MPRIP: variants seen among roughly 807,000 people sequenced by gnomAD.
MPRIP encodes the protein myosin phosphatase Rho-interacting protein.
A neutral mutation model predicts 234.9 loss-of-function variants in MPRIP; 59 were observed. The observed-to-expected ratio is 0.25, with a 90% CI of 0.20 to 0.31. The LOEUF (loss-of-function observed/expected upper bound fraction) is 0.31. MPRIP is among the 10% of genes least tolerant of loss of function. The pLI is 1.00. For missense variants in MPRIP, 2,436 were observed against 3,071.0 expected (o/e 0.79, Z 4.89); for synonymous variants, 1,144 against 1,263.9 (o/e 0.91, Z 2.01).
Position 17,165,995 on chromosome 17 carries a change from C to G in MPRIP, c.4404C>G (p.Phe1468Leu), listed in dbSNP as rs1201025838. The change falls in exon 16 of 24, where the codon TTC (phenylalanine) becomes TTG (leucine). Residue 1468 changes from phenylalanine to leucine, a missense_variant. Physicochemically the swap from Phe to Leu is conservative, Grantham distance 22. Around this residue, in one of 4 missense-constraint regions of MPRIP, gnomAD observed 1,998 missense variants for 2,520.3 expected, o/e 0.79. Transcript: ENST00000651222. Reference sequence around the variant, plus strand: ...GGCATGTTGGAGAGCTTGGGGACTTCCAGGTCAAGAATAGTCAGGCCCTGA... The same window carrying G: ...GGCATGTTGGAGAGCTTGGGGACTTGCAGGTCAAGAATAGTCAGGCCCTGA... ...VEGHVGELGD[F>L]QVKNSQALMC... 4 of 1,304,180 alleles carry G rather than the reference C, an allele frequency of 3.1e-6. No individual in the cohort carries two copies. Among genetic ancestry groups the G allele is most frequent in the Non-Finnish European group, 4.0e-6 (4 of 988,962 alleles). The allele number at this position is 1,304,180 out of a possible 1,614,324, so 80.8% of individuals were successfully genotyped here. A position where few individuals can be genotyped will look rare whatever the true frequency, so the allele number is the denominator to read the frequency against.
chr17:17,056,291 C>G (rs1470934103), intron 1 of MPRIP, among the ~76,000 whole-genome samples: 2 of 152,232 alleles, frequency 1.3e-5, no homozygotes, highest in East Asian at 3.8e-4. Context: ...GACGTTGCCC[C>G]AGAAATTTGT....
At chr17:17,087,635 C>G (rs979229320) in intron 3 of MPRIP, among the ~76,000 whole-genome samples, 1 of 152,220 alleles carries the variant, frequency 6.6e-6, no homozygotes, top group Non-Finnish European at 1.5e-5. Context: ...TCAGAGCATG[C>G]GGAGCACCTT....
rs1242532020 is a variant in MPRIP at position 17,126,768 on chromosome 17, C to T, written c.334C>T (p.Arg112Cys). Residue 112 changes from arginine to cysteine, a missense_variant, in exon 4 of 24, where the codon CGC becomes TGC. Physicochemically the swap from Arg to Cys is radical, Grantham distance 180. Coordinates refer to ENST00000651222, the MANE Select transcript of MPRIP (RefSeq NM_001364716.4). ...QCTDVVDGEG[R>C]TGQKFSLCIL... The stretch of plus-strand genomic sequence containing the variant: ...CACAGATGTGGTGGATGGGGAGGGC[C>T]GCACGGGCCAGAAGTTCTCCCTGTG... 6 of 1,614,052 alleles carry T rather than the reference C, an allele frequency of 3.7e-6. No homozygotes were observed. The highest frequency in any genetic ancestry group is 1.3e-5 in the African/African-American group (1 of 74,926).
chr17:17,054,172 A>G (rs2071469921), intron 1 of MPRIP, among the ~76,000 whole-genome samples: 1 of 152,236 alleles, frequency 6.6e-6, no homozygotes, highest in Admixed American at 6.5e-5. Flanking sequence ...TTATCTATAC[A>G]AGTTTTGGTG....
intron 16 of MPRIP, among the ~76,000 whole-genome samples, chr17:17,169,664 TGTG>T (rs1238781885): frequency 3.9e-5 from 6 of 152,348 alleles, no homozygotes; most frequent in Middle Eastern, 3.4e-3. Flanking sequence ...CTAGCCCAGG[TGTG>T]GTGTTCTCAC....
At chr17:17,171,420 G>T (rs1251797123) in intron 16 of MPRIP, 2 of 305,310 alleles carry the variant, frequency 6.6e-6, no homozygotes, top group Non-Finnish European at 1.2e-5. Context: ...TTTCATAGCA[G>T]CCTGTCCCCA....
At chr17:17,061,551 G>A (rs2088867716) in intron 1 of MPRIP, among the ~76,000 whole-genome samples, 1 of 152,250 alleles carries the variant, frequency 6.6e-6, no homozygotes, top group Non-Finnish European at 1.5e-5. Context: ...GTCCCATCCA[G>A]TGCCTGAGTG....
chr17:17,113,935 C>T (rs2090228341), intron 3 of MPRIP, among the ~76,000 whole-genome samples: 1 of 145,232 alleles, frequency 6.9e-6, no homozygotes, highest in African/African-American at 2.6e-5. Context: ...CTCTGTTGCC[C>T]AGACTGGAGT....
intron 23 of MPRIP, among the ~76,000 whole-genome samples, chr17:17,183,614 A>G (rs1001235412): frequency 1.3e-5 from 2 of 152,242 alleles, no homozygotes; most frequent in African/African-American, 2.4e-5. Context: ...GAATATAGCA[A>G]ACAAGCAGGT....
At chr17:17,130,106 C>T (rs187711607) in intron 4 of MPRIP, among the ~76,000 whole-genome samples, 118 of 152,276 alleles carry the variant, frequency 7.7e-4, no homozygotes, top group East Asian at 4.3e-3. Flanking sequence ...CCCACAGGAC[C>T]TGTGGCTTGG....
At chr17:17,093,673 A>T (rs986576851) in intron 3 of MPRIP, among the ~76,000 whole-genome samples, 3 of 152,202 alleles carry the variant, frequency 2.0e-5, no homozygotes, top group African/African-American at 7.2e-5. Flanking sequence ...AAAAAGTCAG[A>T]TATGTAACCA....
At chr17:17,157,529 T>C (rs996887061) in intron 13 of MPRIP, among the ~76,000 whole-genome samples, 5 of 152,154 alleles carry the variant, frequency 3.3e-5, no homozygotes, top group African/African-American at 1.2e-4. Context: ...AGCAGCTGGA[T>C]TGGGCTTTTA....
rs561128704 is a variant in MPRIP, at chr17:17,108,984, C to G, written c.268-17718C>G. ...CTGCCTCTTCTCCAGTGCAACTTCT[C>G]CCGCCGGCTGTGGTGCGCAGATTTC... is the stretch of plus-strand genomic sequence containing the variant. On this transcript the variant is annotated intron_variant, in intron 3 of 23. Coordinates refer to ENST00000651222, the MANE Select transcript of MPRIP (RefSeq NM_001364716.4). Among the ~76,000 whole-genome samples, 13 of 152,352 alleles carry G rather than the reference C, an allele frequency of 8.5e-5. No homozygotes were observed. The East Asian group carries it at 2.5e-3, about 29-fold the overall frequency.
chr17:17,172,484 CA>C, intron 17 of MPRIP, among the ~76,000 whole-genome samples: 1 of 152,320 alleles, frequency 6.6e-6, no homozygotes, highest in Non-Finnish European at 1.5e-5. Flanking sequence ...GCATTCCTTC[CA>C]GGGGGAGTTC....
intron 17 of MPRIP, 49 bp from the exon 18 acceptor site, chr17:17,172,649 G>A: frequency 1.3e-6 from 2 of 1,485,210 alleles, no homozygotes; most frequent in Admixed American, 1.7e-5. Context: ...ACCCCTGTCA[G>A]CAGGAAGGGC....
At chr17:17,058,429 G>A (rs2088771221) in intron 1 of MPRIP, among the ~76,000 whole-genome samples, 1 of 151,080 alleles carries the variant, frequency 6.6e-6, no homozygotes, top group South Asian at 2.1e-4. Flanking sequence ...GGGGAGGAGA[G>A]CTCTAGGACT....
At chr17:17,171,676 G>A (rs2046137903) in intron 16 of MPRIP, 42 bp from the exon 17 acceptor site, 1 of 1,598,054 alleles carries the variant, frequency 6.3e-7, no homozygotes, top group East Asian at 2.2e-5. Flanking sequence ...CCAACTTAGA[G>A]GTAAAGAAAG....
intron 1 of MPRIP, among the ~76,000 whole-genome samples, chr17:17,060,082 GC>G (rs954106463): frequency 6.6e-6 from 1 of 152,180 alleles, no homozygotes; most frequent in Non-Finnish European, 1.5e-5. Context: ...CTGGAGGACA[GC>G]CCCCAATCTC....
At chr17:17,110,700 C>T (rs1014173271) in intron 3 of MPRIP, among the ~76,000 whole-genome samples, 2 of 152,184 alleles carry the variant, frequency 1.3e-5, no homozygotes, top group Non-Finnish European at 2.9e-5. Flanking sequence ...TATGGTTGTC[C>T]TCCCTTAAAC....
Sources: gnomAD v4.1 joint callset for allele counts (sites outside exome capture counted in the v4.1 genomes callset) on GRCh38, gnomAD v4.1.1 for gene constraint, gnomAD v4.1.1 regional missense constraint, MANE v1.5 for transcripts, NCBI Gene and HGNC (gene_info 2026-07-23, HGNC 2026-07-21) for gene names.